Variants in LIPJ observed in about 807,000 individuals in gnomAD.
LIPJ encodes lipase member J.
Under a neutral mutation model 39.8 loss-of-function variants are expected in LIPJ, and 33 were observed. The ratio of observed to expected loss-of-function variants is 0.83; its 90% CI spans 0.63 to 1.11. The LOEUF is 1.11. Among genes scored for constraint, LIPJ ranks in the 50% least tolerant of loss-of-function variants. LIPJ has a pLI of 0.00. For missense variants in LIPJ, 422 were observed against 427.9 expected, an observed-to-expected ratio of 0.99 and a Z score of 0.12; for synonymous variants, 128 against 139.2, an observed-to-expected ratio of 0.92 and a Z score of 0.57.
intron 2 of LIPJ, among the ~76,000 whole-genome samples, chr10:88,589,973 A>G (rs1478320999): frequency 2.0e-5 from 3 of 151,746 alleles, no homozygotes; most frequent in Admixed American, 1.3e-4. Context: ...GGCTTATTAT[A>G]CAAGGCTCAT....
chr10:88,616,305 C>G, the LIPJ span, among the ~76,000 whole-genome samples: 2 of 152,192 alleles, frequency 1.3e-5, no homozygotes, highest in Admixed American at 1.3e-4. Context: ...GCTGAAGGCA[C>G]TTCACCTATC....
At chr10:88,613,795 TATA>T in the LIPJ span, among the ~76,000 whole-genome samples, 1 of 51,692 alleles carries the variant, frequency 1.9e-5, no homozygotes, top group African/African-American at 1.1e-4. Context: ...TATATATATA[TATA>T]TATGTGTGTG....
intron 8 of LIPJ, among the ~76,000 whole-genome samples, chr10:88,597,620 A>G (rs1167227355): frequency 6.6e-6 from 1 of 151,954 alleles, no homozygotes; most frequent in African/African-American, 2.4e-5. Context: ...AAAGAAAGAT[A>G]GGTATTCTCT....
intron 9 of LIPJ, among the ~76,000 whole-genome samples, chr10:88,602,911 A>T (rs1438818533): frequency 3.3e-5 from 5 of 152,022 alleles, no homozygotes; most frequent in Admixed American, 3.3e-4. Context: ...GGCCAACATG[A>T]TGAAACCCTA....
Position 88,589,415 on chromosome 10 carries a change from T to G in LIPJ, c.-103-1170T>G, listed in dbSNP as rs1359739482. Among the ~76,000 whole-genome samples the G allele has an allele frequency of 2.6e-5, 4 of 151,924 alleles. No homozygotes were observed. The East Asian group carries it at 7.7e-4, about 29-fold the overall frequency. ...GCAGTTAAATTAGCAGCTCTTGCTC[T>G]TCTCTTTGGTAGAAGATATTGATAA... On this transcript the variant is annotated intron_variant, in intron 2 of 10. Coordinates refer to ENST00000371939, the Ensembl canonical transcript of LIPJ.
At chr10:88,589,999 T>A (rs1851027884) in intron 2 of LIPJ, among the ~76,000 whole-genome samples, 1 of 151,670 alleles carries the variant, frequency 6.6e-6, no homozygotes, top group African/African-American at 2.4e-5. Context: ...TAGTAAGTCA[T>A]GCTTTTGGGG....
At position 88,603,954 on chromosome 10, in the gene LIPJ, C is replaced by T. The variant is rs185443527; in HGVS notation, c.795+1307C>T. On this transcript the variant is annotated intron_variant, in intron 9 of 10. Transcript: ENST00000371939. ...CCATTGTAACAATATTTATTGTATA[C>T]CTACTATGTCCCTATAATATTCTGT... 1.6e-3 allele frequency among the ~76,000 whole-genome samples: 250 copies of T among 152,224 alleles called. 3 individuals carry two copies. The highest frequency in any genetic ancestry group is 5.8e-3 in the African/African-American group (242 of 41,528).
intron 2 of LIPJ, among the ~76,000 whole-genome samples, chr10:88,588,385 T>G (rs1196187895): frequency 6.6e-6 from 1 of 151,892 alleles, no homozygotes; most frequent in Admixed American, 6.6e-5. Flanking sequence ...CAACTATTTT[T>G]CTTGTAGTTT....
intron 8 of LIPJ, among the ~76,000 whole-genome samples, chr10:88,602,343 G>T (rs528112157): frequency 1.3e-5 from 2 of 151,986 alleles, no homozygotes; most frequent in Non-Finnish European, 1.5e-5. Flanking sequence ...TTCCAGTAGA[G>T]TGAGTGGCAG....
At chr10:88,600,989 G>A (rs1851454729) in intron 8 of LIPJ, among the ~76,000 whole-genome samples, 1 of 151,712 alleles carries the variant, frequency 6.6e-6, no homozygotes, top group South Asian at 2.1e-4. Context: ...TGCTGTGTCA[G>A]CCAAGCTGGA....
chr10:88,592,019 A>G (rs571161436), intron 4 of LIPJ: 8 of 152,066 alleles, frequency 5.3e-5, no homozygotes, highest in South Asian at 2.1e-4. Flanking sequence ...GCCACTTACT[A>G]GTAGAATATG....
chr10:88,610,202 G>C (rs902795708), downstream of LIPJ, among the ~76,000 whole-genome samples: 4 of 152,144 alleles, frequency 2.6e-5, no homozygotes, highest in Admixed American at 2.0e-4. Flanking sequence ...AAGTGATCTA[G>C]AAATACTAAT....
chr10:88,605,535 C>G (rs1324104161), intron 9 of LIPJ, 98 bp from the exon 10 acceptor site: 1 of 784,862 alleles, frequency 1.3e-6, no homozygotes, highest in Non-Finnish European at 2.2e-6. Flanking sequence ...ACCAGCAGAC[C>G]CAGTACAATG....
chr10:88,611,645 C>T (rs903066412), downstream of LIPJ, among the ~76,000 whole-genome samples: 17 of 152,188 alleles, frequency 1.1e-4, no homozygotes, highest in East Asian at 3.9e-4. Context: ...GGAATAGAAT[C>T]GAACAGGCAG....
intron 6 of LIPJ, among the ~76,000 whole-genome samples, chr10:88,595,530 C>T (rs912591472): frequency 2.6e-5 from 4 of 151,424 alleles, no homozygotes; most frequent in Admixed American, 2.0e-4. Flanking sequence ...CATGTATTAG[C>T]CATATATGTG....
the LIPJ span, among the ~76,000 whole-genome samples, chr10:88,613,793 TA>T: frequency 1.9e-5 from 1 of 52,118 alleles, no homozygotes; most frequent in African/African-American, 1.0e-4. Flanking sequence ...TATATATATA[TA>T]TATATATGTG....
intron 8 of LIPJ, 61 bp from the exon 9 acceptor site, chr10:88,602,515 A>G (rs1424024338): frequency 1.2e-5 from 14 of 1,157,062 alleles, no homozygotes; most frequent in Non-Finnish European, 1.7e-5. Context: ...ATATTAAAAG[A>G]TTATGCTCTC....
chr10:88,594,676 G>C, exon 6 of LIPJ: 1 of 1,512,812 alleles, frequency 6.6e-7, no homozygotes, highest in Non-Finnish European at 8.9e-7. Flanking sequence ...GTTTTGATGA[G>C]ATGGCAAAAT....
chr10:88,607,891 A>G (rs1022008119), downstream of LIPJ, among the ~76,000 whole-genome samples: 1 of 152,260 alleles, frequency 6.6e-6, no homozygotes, highest in African/African-American at 2.4e-5. Flanking sequence ...TGAAAAATCA[A>G]TAATTCCTCT....
Sources: gnomAD v4.1 joint callset for allele counts (sites outside exome capture counted in the v4.1 genomes callset) on GRCh38, gnomAD v4.1.1 for gene constraint, MANE v1.5 for transcripts, NCBI Gene and HGNC (gene_info 2026-07-23, HGNC 2026-07-21) for gene names.